The following BIRC2 variants were observed in gnomAD, a reference collection of about 807,000 sequenced individuals.
The protein encoded by BIRC2 is baculoviral IAP repeat containing 2.
BIRC2 carries 18 observed loss-of-function variants against 60.9 expected under a neutral mutation model. The observed-to-expected ratio is 0.30, with a 90% CI of 0.20 to 0.44. The LOEUF is 0.44. Ranked by LOEUF, BIRC2 falls within the 20% of genes least tolerant of loss-of-function variation. BIRC2 has a pLI of 1.00. For synonymous variants in BIRC2, 282 were observed against 247.7 expected (o/e 1.14, Z -1.30); for missense variants, 701 against 728.5 (o/e 0.96, Z 0.43).
chr11:102,360,643 G>T (rs1177770608), intron 3 of BIRC2, among the ~76,000 whole-genome samples: 3 of 147,364 alleles, frequency 2.0e-5, no homozygotes, highest in Non-Finnish European at 4.5e-5. Context: ...CTTTGTGGGT[G>T]ATTACTGGAA....
chr11:102,375,356 T>G (rs1951697948), intron 6 of BIRC2, among the ~76,000 whole-genome samples: 1 of 152,212 alleles, frequency 6.6e-6, no homozygotes, highest in African/African-American at 2.4e-5. Flanking sequence ...TATTGGAGTA[T>G]TGCGTTGGAA....
chr11:102,365,743 A>T (rs1347899202), intron 5 of BIRC2, among the ~76,000 whole-genome samples: 6 of 147,568 alleles, frequency 4.1e-5, no homozygotes, highest in South Asian at 4.3e-4. Context: ...CATTCAGCTA[A>T]GTGTGTGTGT....
In BIRC2 at chr11:102,350,013, T is replaced by C. The variant is rs746846483; in HGVS notation, c.159T>C (p.Tyr53=). The C allele has an allele frequency of 1.2e-6, 2 of 1,614,232 alleles. No individual in the cohort carries two copies. The highest frequency in any genetic ancestry group is 3.3e-5 in the Admixed American group (2 of 60,030). The change falls in exon 2 of 9, where the codon TAT becomes TAC. Residue 53 remains tyrosine (Y), a synonymous_variant. Coordinates refer to ENST00000227758, the MANE Select transcript of BIRC2 (RefSeq NM_001166.5). ...FSCELYRMST[Y]STFPAGVPVS... ...GTGAACTCTACAGAATGTCTACATATTCAACTTTCCCCGCCGGGGTGCCTG... is the reference window on the plus strand; with the variant it reads ...GTGAACTCTACAGAATGTCTACATACTCAACTTTCCCCGCCGGGGTGCCTG...
At position 102,349,949 on chromosome 11, in the gene BIRC2, CAAACAGCAACAAACAAA is replaced by C; in HGVS notation, c.99_115del (p.Ser34GlufsTer3). ...GATAGCACGATCTTGTCAGATTGGA[CAAACAGCAACAAACAAA>C]AAATGAAGTATGACTTTTCCTGTGA... On this transcript the variant is annotated frameshift_variant, in exon 2 of 9. Transcript: ENST00000227758. LOFTEE classifies it high-confidence loss of function. The C allele has an allele frequency of 6.2e-7, 1 of 1,614,178 alleles. No homozygotes were observed. The highest frequency in any genetic ancestry group is 1.3e-5 in the African/African-American group (1 of 75,040).
chr11:102,359,975 GT>G lies in BIRC2; in HGVS notation c.996-2910del, dbSNP rs528371173. On this transcript the variant is annotated intron_variant, in intron 3 of 8. Transcript: ENST00000227758. ...TCGGGTTTGTTTTTCATTTTCTTGG[GT>G]TTTTTTTTTTGATGGTGTCTTGTTC... Among the ~76,000 whole-genome samples, 916 of 141,876 alleles carry G rather than the reference GT, an allele frequency of 6.5e-3. 8 individuals carry two copies. Among genetic ancestry groups the G allele is most frequent in the African/African-American group, 0.022 (835 of 38,782 alleles). The allele number at this position is 141,876 out of a possible 152,430, so 93.1% of individuals were successfully genotyped here.
At position 102,377,866 on chromosome 11, in the gene BIRC2, A is replaced by C. The variant is rs1239422759; in HGVS notation, c.1631A>C (p.Asn544Thr). The C allele has an allele frequency of 6.2e-7, 1 of 1,610,706 alleles. No homozygotes were observed. The highest frequency in any genetic ancestry group is 2.2e-5 in the East Asian group (1 of 44,858). The change falls in exon 8 of 9, where the codon AAT (asparagine) becomes ACT (threonine). Residue 544 changes from asparagine to threonine, a missense_variant. This residue lies in a region of BIRC2 where 235 missense variants were observed against 208.9 expected (regional missense o/e 1.12). Transcript: ENST00000227758. The stretch of plus-strand genomic sequence containing the variant: ...TGTTTTCTTTCCTCAGTGGATAAGA[A>C]TATGAAGTATATTCCAACAGAAGAT... ...TLYKNLFVDKNMKYIPTEDVS... is the reference protein window; with the variant it reads ...TLYKNLFVDKTMKYIPTEDVS...
chr11:102,360,442 T>C (rs924241654), intron 3 of BIRC2, among the ~76,000 whole-genome samples: 7 of 151,994 alleles, frequency 4.6e-5, no homozygotes, highest in African/African-American at 1.7e-4. Context: ...ATGCTCTCTA[T>C]TGCATTTTTT....
rs1444863225 is a variant in BIRC2, at chr11:102,374,310, T to A, written c.1367-3186T>A. Among the ~76,000 whole-genome samples the A allele has an allele frequency of 1.9e-4, 28 of 150,790 alleles. 1 individual carries two copies. The highest frequency in any genetic ancestry group is 1.8e-3 in the Admixed American group (28 of 15,168). On this transcript the variant is annotated intron_variant, in intron 6 of 8. Transcript: ENST00000227758. ...CCATCTTTGTGGTTTTATCTATTTT[T>A]GGTCTTTGATGATGGTGATGTACAG...
chr11:102,361,843 T>TC (rs1260455627), intron 3 of BIRC2, among the ~76,000 whole-genome samples: 10 of 150,510 alleles, frequency 6.6e-5, no homozygotes, highest in African/African-American at 2.2e-4. Flanking sequence ...ATTCTCCCTT[T>TC]TTTTTTTTTT....
At chr11:102,351,631 A>G (rs540982496) in intron 3 of BIRC2, among the ~76,000 whole-genome samples, 8 of 150,424 alleles carry the variant, frequency 5.3e-5, no homozygotes, top group African/African-American at 1.2e-4. Flanking sequence ...AAAAAAAAAA[A>G]AAAAAAGAAA....
Position 102,350,120 on chromosome 11 carries a change from T to C in BIRC2, c.266T>C (p.Met89Thr). 1 of 1,614,226 alleles carries C rather than the reference T, an allele frequency of 6.2e-7. No homozygotes were observed. Among genetic ancestry groups the C allele is most frequent in the Non-Finnish European group, 8.5e-7 (1 of 1,180,036 alleles). The change falls in exon 2 of 9, where the codon ATG becomes ACG. Residue 89 changes from methionine (M) to threonine (T), a missense_variant. By Grantham distance (81) the Met-to-Thr change is moderately conservative. Around this residue, in one of 4 missense-constraint regions of BIRC2, gnomAD observed 375 missense variants for 365.9 expected, o/e 1.02. Transcript: ENST00000227758. ...GTCAAATGCTTCTGTTGTGGCCTGATGCTGGATAACTGGAAACTAGGAGAC... is the reference window on the plus strand; with the variant it reads ...GTCAAATGCTTCTGTTGTGGCCTGACGCTGGATAACTGGAAACTAGGAGAC... Reference protein sequence around the residue: ...DKVKCFCCGLMLDNWKLGDSP... With the variant: ...DKVKCFCCGLTLDNWKLGDSP...
At position 102,370,022 on chromosome 11, in the gene BIRC2, G is replaced by T. The variant is rs1201309170; in HGVS notation, c.1366+1474G>T. On this transcript the variant is annotated intron_variant, in intron 6 of 8. Transcript: ENST00000227758. Reference sequence around the variant, plus strand: ...CTTTTTGATGGGGTTGTTTGTTTTTGTCTTGTAAATTTGTTTGAGTTCATT... The same window carrying T: ...CTTTTTGATGGGGTTGTTTGTTTTTTTCTTGTAAATTTGTTTGAGTTCATT... 7.9e-5 allele frequency among the ~76,000 whole-genome samples: 12 copies of T among 151,958 alleles called. No homozygotes were observed. The South Asian group carries it at 8.3e-4, about 11-fold the overall frequency.
chr11:102,357,668 G>A (rs190815000), intron 3 of BIRC2, among the ~76,000 whole-genome samples: 7 of 151,954 alleles, frequency 4.6e-5, no homozygotes, highest in African/African-American at 1.7e-4. Flanking sequence ...ATTTATTTTC[G>A]TCTTCCTTTT....
intron 6 of BIRC2, among the ~76,000 whole-genome samples, chr11:102,371,376 AG>A (rs1280575332): frequency 2.3e-5 from 2 of 86,096 alleles, no homozygotes; most frequent in South Asian, 4.8e-4. Context: ...TTTAGCATGA[AG>A]GGTTGTTGAA....
chr11:102,377,555 C>T lies in BIRC2; in HGVS notation c.1426C>T (p.Leu476Phe), dbSNP rs371002487. The change falls in exon 7 of 9, where the codon CTT becomes TTT. Residue 476 changes from leucine (L) to phenylalanine (F), a missense_variant. Physicochemically the swap from Leu to Phe is conservative, Grantham distance 22 (BLOSUM62 0). This residue lies in a region of BIRC2 where 235 missense variants were observed against 208.9 expected (regional missense o/e 1.12). Transcript: ENST00000227758. ...MALFQQLTCV[L>F]PILDNLLKAN... ...TCTCTTTCAACAATTGACATGTGTGCTTCCTATCCTGGATAATCTTTTAAA... is the reference window on the plus strand; with the variant it reads ...TCTCTTTCAACAATTGACATGTGTGTTTCCTATCCTGGATAATCTTTTAAA... 3.7e-5 allele frequency: 59 copies of T among 1,609,022 alleles called. No individual in the cohort carries two copies. The highest frequency in any genetic ancestry group is 4.7e-5 in the Non-Finnish European group (55 of 1,178,258).
At chr11:102,353,787 A>G (rs1298859354) in intron 3 of BIRC2, among the ~76,000 whole-genome samples, 1 of 148,024 alleles carries the variant, frequency 6.8e-6, no homozygotes, top group Non-Finnish European at 1.5e-5. Flanking sequence ...TGTGCTGTAC[A>G]TTAGATCCTC....
chr11:102,367,393 A>G (rs1192410149), intron 5 of BIRC2, among the ~76,000 whole-genome samples: 1 of 151,772 alleles, frequency 6.6e-6, no homozygotes, highest in Non-Finnish European at 1.5e-5. Context: ...TCCTCAAGGC[A>G]TGCGCTTAAA....
At chr11:102,355,742 G>T (rs1179983406) in intron 3 of BIRC2, among the ~76,000 whole-genome samples, 5 of 152,068 alleles carry the variant, frequency 3.3e-5, no homozygotes, top group African/African-American at 1.2e-4. Context: ...TATAATTTAA[G>T]AACACGAGAT....
intron 5 of BIRC2, among the ~76,000 whole-genome samples, chr11:102,364,836 A>G (rs1192504022): frequency 1.3e-5 from 2 of 152,196 alleles, no homozygotes; most frequent in Non-Finnish European, 2.9e-5. Context: ...CATGACAACT[A>G]TCTCCCGTGT....
Sources: gnomAD v4.1 joint callset for allele counts (sites outside exome capture counted in the v4.1 genomes callset) on GRCh38, gnomAD v4.1.1 for gene constraint, gnomAD v4.1.1 regional missense constraint, MANE v1.5 for transcripts, NCBI Gene and HGNC (gene_info 2026-07-23, HGNC 2026-07-21) for gene names.